The following UVRAG variants were observed in gnomAD, a reference collection of about 807,000 sequenced individuals.
UVRAG encodes UV radiation resistance-associated gene protein.
In UVRAG, 19 loss-of-function variants were observed where a neutral mutation model predicts 78.0. The ratio of observed to expected loss-of-function variants is 0.24; its 90% CI spans 0.17 to 0.36. The LOEUF is 0.36. Ranked by LOEUF, UVRAG falls within the 10% of genes least tolerant of loss-of-function variation. The probability of loss-of-function intolerance (pLI) is 1.00; values close to 1 mark genes in which losing one functional copy is unlikely to be tolerated. For missense variants in UVRAG, 740 were observed against 853.8 expected (o/e 0.87, Z 1.66); for synonymous variants, 323 against 324.6 (o/e 1.00, Z 0.05).
chr11:75,916,556 A>G (rs944374242), intron 6 of UVRAG: 1 of 152,122 alleles, frequency 6.6e-6, no homozygotes, highest in Non-Finnish European at 1.5e-5. Flanking sequence ...TGTTTTCCAT[A>G]TCTGCTTTTA....
chr11:75,877,675 A>T (rs1946829303), intron 3 of UVRAG, among the ~76,000 whole-genome samples: 1 of 117,312 alleles, frequency 8.5e-6, no homozygotes, highest in Non-Finnish European at 1.8e-5. Context: ...ACTTCCCAGT[A>T]GGGGCGGCTG....
chr11:75,984,168 TATG>T (rs1047636287), intron 8 of UVRAG, among the ~76,000 whole-genome samples: 16 of 152,214 alleles, frequency 1.1e-4, no homozygotes, highest in African/African-American at 3.6e-4. Flanking sequence ...CAGTATGTGG[TATG>T]ATATTTTCTT....
chr11:75,983,474 G>T lies in UVRAG; in HGVS notation c.787G>T (p.Ala263Ser), dbSNP rs540754289. ...GAAGAAAGCTTTGGGACGGGAGGTG[G>T]CATTACTGCATAAGCAACAAATTGC... ...RQKKALGREV[A>S]LLHKQQIALQ... is the part of the protein sequence containing the mutation. Residue 263 changes from alanine to serine, a missense_variant, in exon 8 of 15, where the codon GCA becomes TCA. Ala to Ser is a moderately conservative substitution (Grantham distance 99). Transcript: ENST00000356136. 1 of 1,610,286 alleles carries T rather than the reference G, an allele frequency of 6.2e-7. No individual in the cohort carries two copies. The highest frequency in any genetic ancestry group is 1.7e-5 in the Admixed American group (1 of 59,836).
chr11:76,027,956 T>G (rs1033959763), intron 12 of UVRAG, among the ~76,000 whole-genome samples: 1 of 152,084 alleles, frequency 6.6e-6, no homozygotes, highest in African/African-American at 2.4e-5. Flanking sequence ...ATACCTCATT[T>G]TTTTGCATTT....
chr11:75,891,726 G>A (rs1438958416), intron 5 of UVRAG, among the ~76,000 whole-genome samples: 2 of 152,114 alleles, frequency 1.3e-5, no homozygotes, highest in Non-Finnish European at 1.5e-5. Flanking sequence ...TCTGGGCAAC[G>A]TAGCAAGACC....
Position 75,908,712 on chromosome 11 carries a change from C to CTTTTTTT in UVRAG, c.508-3221_508-3215dup, listed in dbSNP as rs1024795820. The stretch of plus-strand genomic sequence containing the variant: ...ACCAGTCAAATAATCTGGTTCTGGG[C>CTTTTTTT]TTTTTTTTTTTTTTTTTTTTTTTTT... On this transcript the variant is annotated intron_variant, in intron 5 of 14. Coordinates refer to ENST00000356136, the MANE Select transcript of UVRAG (RefSeq NM_003369.4). 5.5e-4 allele frequency among the ~76,000 whole-genome samples: 25 copies of CTTTTTTT among 45,452 alleles called. 5 individuals are homozygous for CTTTTTTT. The highest frequency in any genetic ancestry group is 1.8e-3 in the African/African-American group (21 of 11,592). The allele number at this position is 45,452 out of a possible 152,430, so 29.8% of individuals were successfully genotyped here.
At chr11:75,893,670 CAAAAA>C (rs1048785134) in intron 5 of UVRAG, among the ~76,000 whole-genome samples, 2 of 60,392 alleles carry the variant, frequency 3.3e-5, no homozygotes, top group African/African-American at 5.5e-5. Context: ...CTATCTCTAC[CAAAAA>C]AAAAAAAAAA....
intron 6 of UVRAG, among the ~76,000 whole-genome samples, chr11:75,927,406 T>A (rs780277092): frequency 2.0e-5 from 3 of 152,172 alleles, no homozygotes; most frequent in Non-Finnish European, 2.9e-5. Flanking sequence ...ATATAGGTTG[T>A]TGTTATTCCT....
At chr11:75,916,950 T>C (rs1054212060) in intron 6 of UVRAG, among the ~76,000 whole-genome samples, 1 of 152,224 alleles carries the variant, frequency 6.6e-6, no homozygotes, top group African/African-American at 2.4e-5. Flanking sequence ...AGCACCAGTC[T>C]TAGATTTTAT....
At chr11:75,979,043 G>T (rs1949324583) in intron 7 of UVRAG, among the ~76,000 whole-genome samples, 2 of 152,344 alleles carry the variant, frequency 1.3e-5, no homozygotes, top group South Asian at 4.1e-4. Context: ...GTGACGTACA[G>T]ATGGGGTTTT....
At chr11:76,034,509 A>C (rs1453083321) in intron 12 of UVRAG, among the ~76,000 whole-genome samples, 1 of 151,980 alleles carries the variant, frequency 6.6e-6, no homozygotes, top group African/African-American at 2.4e-5. Flanking sequence ...CCATTATTTT[A>C]TTTAACGTTT....
chr11:75,828,466 A>G (rs1290705027), intron 1 of UVRAG, among the ~76,000 whole-genome samples: 1 of 146,050 alleles, frequency 6.8e-6, no homozygotes, highest in Non-Finnish European at 1.5e-5. Flanking sequence ...AAAAAAAGAC[A>G]CCAGTCTGAT....
chr11:76,109,750 G>A (rs906315422), intron 13 of UVRAG, among the ~76,000 whole-genome samples: 3 of 152,104 alleles, frequency 2.0e-5, no homozygotes, highest in South Asian at 2.1e-4. Context: ...TTTCCTCCTC[G>A]ACCTGGTTCC....
At chr11:75,974,492 G>A (rs576994725) in intron 7 of UVRAG, among the ~76,000 whole-genome samples, 168 of 148,616 alleles carry the variant, frequency 1.1e-3, no homozygotes, top group African/African-American at 4.1e-3. Context: ...TCAGCCTCCC[G>A]AGTAGCTGGG....
intron 2 of UVRAG, among the ~76,000 whole-genome samples, chr11:75,855,263 A>G (rs58854586): frequency 0.044 from 6,672 of 152,254 alleles, 534 homozygotes; most frequent in African/African-American, 0.15. Flanking sequence ...TCTCAATCCA[A>G]TCCTCAACAC....
intron 1 of UVRAG, among the ~76,000 whole-genome samples, chr11:75,841,534 T>TA (rs34696509): frequency 6.6e-6 from 1 of 151,460 alleles, no homozygotes; most frequent in African/African-American, 2.4e-5. Context: ...CAATGACCTT[T>TA]AAAAAAAAAC....
intron 8 of UVRAG, among the ~76,000 whole-genome samples, chr11:75,986,684 TCA>T (rs1949507211): frequency 6.6e-6 from 1 of 152,198 alleles, no homozygotes; most frequent in Non-Finnish European, 1.5e-5. Flanking sequence ...CTTAGTTTAT[TCA>T]CAGAGTTGTG....
intron 12 of UVRAG, among the ~76,000 whole-genome samples, chr11:76,054,061 T>C (rs1950931240): frequency 6.6e-6 from 1 of 152,074 alleles, no homozygotes; most frequent in South Asian, 2.1e-4. Context: ...CCTTGCATAG[T>C]CTGGTACCTG....
intron 6 of UVRAG, among the ~76,000 whole-genome samples, chr11:75,926,600 A>G (rs1948110435): frequency 6.6e-6 from 1 of 152,188 alleles, no homozygotes; most frequent in Non-Finnish European, 1.5e-5. Context: ...ATATTGCATT[A>G]ATTAAAATAT....
Sources: allele counts gnomAD v4.1 joint callset (sites outside exome capture counted in the v4.1 genomes callset), GRCh38; gene constraint gnomAD v4.1.1; transcripts MANE v1.5; gene names NCBI Gene and HGNC (gene_info 2026-07-23, HGNC 2026-07-21).